Variants in SLC12A7 observed in about 807,000 individuals in gnomAD.
The protein encoded by SLC12A7 is K-Cl cotransporter 4.
Under a neutral mutation model 120.6 loss-of-function variants are expected in SLC12A7, and 100 were observed. The observed-to-expected ratio is 0.83, with a 90% confidence interval of 0.71 to 0.98. The LOEUF is 0.98. Among genes scored for constraint, SLC12A7 ranks in the 50% least tolerant of loss-of-function variants. SLC12A7 has a pLI of 0.00. For missense variants in SLC12A7, 1,373 were observed against 1,548.1 expected (o/e 0.89, Z 1.90); for synonymous variants, 760 against 678.0 (o/e 1.12, Z -1.88).
chr5:1,150,557 A>G, the SLC12A7 span, among the ~76,000 whole-genome samples: 2 of 152,390 alleles, frequency 1.3e-5, no homozygotes, highest in South Asian at 4.1e-4. Context: ...CTCAAAACCC[A>G]GGTCCCCTCC....
intron 2 of SLC12A7, 66 bp from the exon 3 acceptor site, chr5:1,093,721 C>CGT (rs1740794227): frequency 3.1e-6 from 5 of 1,598,278 alleles, no homozygotes; most frequent in Middle Eastern, 3.5e-4. Context: ...CCTCCCTCCC[C>CGT]GTGTTCAGGG....
chr5:1,124,577 C>G, the SLC12A7 span, among the ~76,000 whole-genome samples: 31 of 152,326 alleles, frequency 2.0e-4, 1 homozygote, highest in South Asian at 6.2e-3. Context: ...AAATCCAGAG[C>G]TCAGAGAACA....
At chr5:1,065,563 G>C in intron 17 of SLC12A7, 85 bp from the exon 18 acceptor site, 2 of 1,178,968 alleles carry the variant, frequency 1.7e-6, no homozygotes, top group East Asian at 5.1e-5. Flanking sequence ...CAGGGCACCC[G>C]CACCACCTCC....
chr5:1,085,847 C>T (rs1225569140), intron 6 of SLC12A7, among the ~76,000 whole-genome samples: 1 of 152,242 alleles, frequency 6.6e-6, no homozygotes, highest in Non-Finnish European at 1.5e-5. Flanking sequence ...AAAGAAACAC[C>T]TTCTGCTAAG....
At chr5:1,053,199 C>T in intron 23 of SLC12A7, 150 bp downstream of exon 23, 4 of 1,025,824 alleles carry the variant, frequency 3.9e-6, no homozygotes, top group African/African-American at 1.6e-5. Flanking sequence ...GCTCAGAGCC[C>T]CACTGCATCC....
chr5:1,057,424 G>A, intron 22 of SLC12A7, 47 bp downstream of exon 22: 1 of 1,550,486 alleles, frequency 6.4e-7, no homozygotes, highest in Non-Finnish European at 8.7e-7. Flanking sequence ...TGCCGGGCCA[G>A]CACTGCCAGG....
intron 1 of SLC12A7, among the ~76,000 whole-genome samples, chr5:1,105,757 A>T (rs1742478664): frequency 1.3e-5 from 2 of 152,208 alleles, no homozygotes; most frequent in South Asian, 4.1e-4. Context: ...AGGCCAAAGG[A>T]GACCAGCCCC....
chr5:1,115,015 C>T (rs1017747684), upstream of SLC12A7, among the ~76,000 whole-genome samples: 4 of 152,210 alleles, frequency 2.6e-5, no homozygotes, highest in Admixed American at 6.5e-5. Context: ...AATTGGTTCC[C>T]GACAATCTCC....
At chr5:1,074,804 G>A in intron 15 of SLC12A7, 133 bp from the exon 16 acceptor site, 1 of 827,732 alleles carries the variant, frequency 1.2e-6, no homozygotes, top group Non-Finnish European at 1.9e-6. Context: ...GATGAGGAGG[G>A]AGGCCTCCAT....
chr5:1,132,875 A>G, the SLC12A7 span, among the ~76,000 whole-genome samples: 1 of 152,188 alleles, frequency 6.6e-6, no homozygotes, highest in South Asian at 2.1e-4. Context: ...ATAAATGATG[A>G]ATTTTATTTT....
At chr5:1,150,037 A>G in the SLC12A7 span, among the ~76,000 whole-genome samples, 1 of 152,382 alleles carries the variant, frequency 6.6e-6, no homozygotes, top group East Asian at 1.9e-4. Context: ...CCTCAAAGAA[A>G]AAAACAACAA....
intron 17 of SLC12A7, 137 bp downstream of exon 17, chr5:1,073,496 G>T: frequency 2.0e-6 from 2 of 1,020,702 alleles, no homozygotes; most frequent in South Asian, 1.9e-5. Context: ...TGAGCTCAAA[G>T]CCACCGCCAC....
chr5:1,059,613 G>T (rs1156925922), intron 21 of SLC12A7, among the ~76,000 whole-genome samples: 5 of 152,214 alleles, frequency 3.3e-5, no homozygotes, highest in Non-Finnish European at 5.9e-5. Context: ...TGCCCTTGGG[G>T]TCTCACAGTG....
the SLC12A7 span, among the ~76,000 whole-genome samples, chr5:1,120,543 C>T: frequency 1.3e-5 from 2 of 152,240 alleles, no homozygotes; most frequent in Non-Finnish European, 1.5e-5. Context: ...GAATGCACGG[C>T]CACTGTGGAA....
the SLC12A7 span, among the ~76,000 whole-genome samples, chr5:1,149,133 C>CACACCCA: frequency 4.9e-4 from 28 of 57,322 alleles, no homozygotes; most frequent in South Asian, 1.2e-3. Flanking sequence ...CCTACGATGC[C>CACACCCA]GCACCCAGAA....
chr5:1,060,587 T>C (rs1319205724), intron 20 of SLC12A7, 136 bp from the exon 21 acceptor site: 1 of 659,730 alleles, frequency 1.5e-6, no homozygotes, highest in Non-Finnish European at 2.7e-6. Context: ...ACAGGCCCCC[T>C]CTGGCTCTCA....
intron 1 of SLC12A7, among the ~76,000 whole-genome samples, chr5:1,102,778 G>A (rs554138455): frequency 6.6e-6 from 1 of 152,176 alleles, no homozygotes; most frequent in Non-Finnish European, 1.5e-5. Flanking sequence ...GGAGCCACAG[G>A]GGACTCACAG....
the SLC12A7 span, among the ~76,000 whole-genome samples, chr5:1,147,908 A>C: frequency 3.1e-4 from 46 of 150,544 alleles, no homozygotes; most frequent in Non-Finnish European, 5.9e-4. Flanking sequence ...ATTTTTAGAA[A>C]ATTTTTTGTA....
the SLC12A7 span, among the ~76,000 whole-genome samples, chr5:1,126,812 C>T: frequency 6.6e-6 from 1 of 152,180 alleles, no homozygotes; most frequent in Admixed American, 6.5e-5. Context: ...TGAAACCGTG[C>T]TTAAGGGACG....
Sources: allele counts gnomAD v4.1 joint callset (sites outside exome capture counted in the v4.1 genomes callset), GRCh38; gene constraint gnomAD v4.1.1; transcripts MANE v1.5; gene names NCBI Gene and HGNC (gene_info 2026-07-23, HGNC 2026-07-21).